The following USO1 variants were observed in gnomAD, a reference collection of about 807,000 sequenced individuals.
USO1 encodes the protein USO1 vesicle transport factor.
In USO1, 57 loss-of-function variants were observed where a neutral mutation model predicts 124.5. That is an observed-to-expected ratio of 0.46 (90% CI 0.37 to 0.57). USO1 has a LOEUF of 0.57. Among genes scored for constraint, USO1 ranks in the 20% least tolerant of loss-of-function variants. The pLI, the probability that USO1 is intolerant of heterozygous loss-of-function variation, is 0.00. For synonymous variants in USO1, 369 were observed against 362.8 expected, an observed-to-expected ratio of 1.02 and a Z score of -0.19; for missense variants, 900 against 1,040.6, an observed-to-expected ratio of 0.86 and a Z score of 1.86.
rs541913213 is a variant in USO1, at chr4:75,771,586, C to T, written c.555+449C>T. 4.6e-5 allele frequency among the ~76,000 whole-genome samples: 7 copies of T among 152,286 alleles called. No homozygotes were observed. In the South Asian group the frequency reaches 1.5e-3, roughly 32 times the overall value. On this transcript the variant is annotated intron_variant, in intron 7 of 23. Coordinates refer to ENST00000514213, the MANE Select transcript of USO1 (RefSeq NM_003715.4). ...ACTCTACCTCTGCAATTTTCTTTTC[C>T]TCATAAAGAGTAGCGGAGATACCTC...
intron 8 of USO1, 62 bp downstream of exon 8, chr4:75,774,858 A>G: frequency 6.5e-7 from 1 of 1,540,972 alleles, no homozygotes; most frequent in East Asian, 2.3e-5. Flanking sequence ...GTTAGGGTAT[A>G]GGGAATACAG....
chr4:75,770,433 T>C lies in USO1; in HGVS notation c.296-6T>C, dbSNP rs1721887970. The stretch of plus-strand genomic sequence containing the variant: ...AATTGAAATTCTTTATTTTTGAATA[T>C]TACAGAAGAAAATTCCACAAGACAG... On this transcript the variant is annotated splice_polypyrimidine_tract_variant and splice_region_variant and intron_variant, in intron 4 of 23. Transcript: ENST00000514213. 1 of 1,539,334 alleles carries C rather than the reference T, an allele frequency of 6.5e-7. No homozygotes were observed. Among genetic ancestry groups the C allele is most frequent in the Admixed American group, 2.1e-5 (1 of 47,712 alleles).
At chr4:75,792,494 G>A (rs751410552) in intron 12 of USO1, among the ~76,000 whole-genome samples, 22 of 152,068 alleles carry the variant, frequency 1.4e-4, no homozygotes, top group Non-Finnish European at 2.5e-4. Flanking sequence ...CTGAGATCAC[G>A]CCATTGCACT....
chr4:75,765,880 A>G (rs1466351159), intron 4 of USO1, among the ~76,000 whole-genome samples: 5 of 152,158 alleles, frequency 3.3e-5, no homozygotes, highest in East Asian at 1.9e-4. Flanking sequence ...TGTAGCATCA[A>G]TCCTCTGCCA....
rs1453514844 is a variant in USO1, at chr4:75,770,841, G to T, written c.416G>T (p.Arg139Leu). Residue 139 changes from arginine to leucine, a missense_variant, in exon 6 of 24, where the codon CGC becomes CTC. Around this residue, in one of 2 missense-constraint regions of USO1, gnomAD observed 538 missense variants for 681.6 expected, o/e 0.79. Transcript: ENST00000514213. ...SLLEEFDFHV[R>L]WPGVKLLTSL... is the part of the protein sequence containing the mutation. ...TTGCAGGAGTTTGATTTCCATGTCC[G>T]CTGGCCTGGTGTGAAGCTTCTTACT... 6.2e-7 allele frequency: 1 copy of T among 1,612,230 alleles called. No individual in the cohort carries two copies.
Position 75,770,547 on chromosome 4 carries a change from G to C in USO1, c.396+8G>C. 6.4e-7 allele frequency: 1 copy of C among 1,557,800 alleles called. No individual in the cohort carries two copies. Among genetic ancestry groups the C allele is most frequent in the South Asian group, 1.2e-5 (1 of 81,662 alleles). On this transcript the variant is annotated splice_region_variant and intron_variant, in intron 5 of 23. Coordinates refer to ENST00000514213, the MANE Select transcript of USO1 (RefSeq NM_003715.4). Reference sequence around the variant, plus strand: ...CTGTTATCTTTATTGGAGGTAAATAGGGAACCTTGATGTTTTTGTCATCTT... The same window carrying C: ...CTGTTATCTTTATTGGAGGTAAATACGGAACCTTGATGTTTTTGTCATCTT...
rs1209496029 is a variant in USO1, at chr4:75,782,865, T to G, written c.855+7T>G. ...TCTACATCTAATGCTACAGGTATAC[T>G]ATCCTTAGACATAAATGTGGTAAGA... is the stretch of plus-strand genomic sequence containing the variant. On this transcript the variant is annotated splice_region_variant and intron_variant, in intron 9 of 23. Coordinates refer to ENST00000514213, the MANE Select transcript of USO1 (RefSeq NM_003715.4). The G allele has an allele frequency of 6.4e-7, 1 of 1,567,708 alleles. No homozygotes were observed. Among genetic ancestry groups the G allele is most frequent in the African/African-American group, 1.4e-5 (1 of 71,400 alleles).
At chr4:75,804,334 C>G in intron 18 of USO1, 62 bp downstream of exon 18, 1 of 1,528,848 alleles carries the variant, frequency 6.5e-7, no homozygotes, top group Non-Finnish European at 8.8e-7. Flanking sequence ...AAGAGCTAGA[C>G]AAAGTAAAAG....
chr4:75,778,194 A>G (rs1337521961), intron 8 of USO1, among the ~76,000 whole-genome samples: 2 of 152,194 alleles, frequency 1.3e-5, no homozygotes, highest in African/African-American at 4.8e-5. Flanking sequence ...GGCTCCCCCA[A>G]AACTTAACCG....
chr4:75,772,594 TTAAC>T (rs1479465969), intron 7 of USO1, among the ~76,000 whole-genome samples: 1 of 152,130 alleles, frequency 6.6e-6, no homozygotes, highest in Non-Finnish European at 1.5e-5. Context: ...AATGTCTTAT[TTAAC>T]TAGGTATCTA....
chr4:75,772,329 C>T (rs1224759380), intron 7 of USO1, among the ~76,000 whole-genome samples: 8 of 151,900 alleles, frequency 5.3e-5, no homozygotes, highest in African/African-American at 1.2e-4. Context: ...CTCTGCCTCC[C>T]GGATTCAAGC....
Position 75,785,362 on chromosome 4 carries a change from T to A in USO1, c.856-1700T>A, listed in dbSNP as rs113666335. Among the ~76,000 whole-genome samples, 1,075 of 152,156 alleles carry A rather than the reference T, an allele frequency of 7.1e-3. 10 individuals carry two copies. The highest frequency in any genetic ancestry group is 0.047 in the East Asian group (244 of 5,186). Reference sequence around the variant, plus strand: ...TTAGTTATAAAATATTTTATTTTTTTAAAAAATTATAGTTTTATGGCTAGT... The same window carrying A: ...TTAGTTATAAAATATTTTATTTTTTAAAAAAATTATAGTTTTATGGCTAGT... On this transcript the variant is annotated intron_variant, in intron 9 of 23. Transcript: ENST00000514213.
chr4:75,769,689 G>A (rs1440735480), intron 4 of USO1, among the ~76,000 whole-genome samples: 1 of 151,666 alleles, frequency 6.6e-6, no homozygotes, highest in Non-Finnish European at 1.5e-5. Context: ...TATAATATAG[G>A]CAGATCTTAA....
chr4:75,793,124 C>T (rs1258451424), intron 12 of USO1, among the ~76,000 whole-genome samples: 1 of 151,400 alleles, frequency 6.6e-6, no homozygotes, highest in Non-Finnish European at 1.5e-5. Context: ...TGTGTATATA[C>T]CACATTTTCT....
rs376246021 is a variant in USO1 at position 75,787,328 on chromosome 4, T to A, written c.996+126T>A. On this transcript the variant is annotated intron_variant, in intron 10 of 23. Coordinates refer to ENST00000514213, the MANE Select transcript of USO1 (RefSeq NM_003715.4). ...TTTTTTAGGTTAAAATTTTTAATGA[T>A]CTTACTAAAATATAATTCACATAAT... 4.1e-6 allele frequency: 5 copies of A among 1,226,366 alleles called. No individual in the cohort carries two copies. The South Asian group carries it at 8.3e-5, about 20-fold the overall frequency. 76.0% of individuals were successfully genotyped at this position (1,226,366 alleles called of 1,614,324 possible).
chr4:75,805,653 G>A (rs1487994364), intron 19 of USO1, among the ~76,000 whole-genome samples: 4 of 151,318 alleles, frequency 2.6e-5, no homozygotes, highest in Non-Finnish European at 5.9e-5. Flanking sequence ...GTTGCAGTGA[G>A]CCGAGATCAC....
In USO1 at chr4:75,724,729, C is replaced by A; in HGVS notation, c.-91C>A. ...GGCAGCAGTAGGAGTGTGTAGAGTG[C>A]GGGATTGGGGCCCAGGCCCTGCGGA... On this transcript the variant is annotated 5_prime_UTR_variant, in exon 1 of 24. Transcript: ENST00000514213. 2 of 1,356,170 alleles carry A rather than the reference C, an allele frequency of 1.5e-6. No homozygotes were observed. The highest frequency in any genetic ancestry group is 2.1e-6 in the Non-Finnish European group (2 of 970,018). The allele number at this position is 1,356,170 out of a possible 1,614,324, so 84.0% of individuals were successfully genotyped here. A position where few individuals can be genotyped will look rare whatever the true frequency, so the allele number is the denominator to read the frequency against.
intron 1 of USO1, among the ~76,000 whole-genome samples, chr4:75,738,058 C>T (rs1054792361): frequency 6.6e-5 from 10 of 151,314 alleles, no homozygotes; most frequent in Admixed American, 2.0e-4. Context: ...TGGTCTCGAA[C>T]TCCTGACCTT....
At chr4:75,800,572 T>C (rs1175822881) in intron 15 of USO1, 46 bp from the exon 16 acceptor site, 2 of 1,529,208 alleles carry the variant, frequency 1.3e-6, no homozygotes, top group Admixed American at 2.3e-5. Flanking sequence ...ATGTTTTGTT[T>C]TGATTTTATT....
Sources: gnomAD v4.1 joint callset for allele counts (sites outside exome capture counted in the v4.1 genomes callset) on GRCh38, gnomAD v4.1.1 for gene constraint, gnomAD v4.1.1 regional missense constraint, MANE v1.5 for transcripts, NCBI Gene and HGNC (gene_info 2026-07-23, HGNC 2026-07-21) for gene names.